Variants in FHIT observed in about 807,000 individuals in gnomAD.
The protein encoded by FHIT is bis(5'-adenosyl)-triphosphatase.
Under a neutral mutation model 17.9 loss-of-function variants are expected in FHIT, and 19 were observed. The ratio of observed to expected loss-of-function variants is 1.06; its 90% CI spans 0.74 to 1.56. The LOEUF (loss-of-function observed/expected upper bound fraction) is 1.56, where lower values mean the gene tolerates loss of function less well. FHIT is among the 40% of genes most tolerant of loss of function. The pLI, the probability that FHIT is intolerant of heterozygous loss-of-function variation, is 0.00. For missense variants in FHIT, 248 were observed against 189.2 expected (o/e 1.31, Z -1.82); for synonymous variants, 81 against 69.7 (o/e 1.16, Z -0.81).
chr3:59,828,939 G>A (rs972103143), intron 8 of FHIT, among the ~76,000 whole-genome samples: 3 of 150,114 alleles, frequency 2.0e-5, no homozygotes, highest in Admixed American at 6.7e-5. Context: ...TTTGTATTAT[G>A]TAAATTTTCC....
intron 5 of FHIT, among the ~76,000 whole-genome samples, chr3:60,055,493 C>T (rs1344971113): frequency 6.7e-6 from 1 of 149,788 alleles, no homozygotes; most frequent in African/African-American, 2.5e-5. Flanking sequence ...CTGAGGCTCT[C>T]AGCCAATTTC....
intron 5 of FHIT, among the ~76,000 whole-genome samples, chr3:60,095,110 G>A (rs1437500976): frequency 6.6e-6 from 1 of 152,164 alleles, no homozygotes; most frequent in African/African-American, 2.4e-5. Context: ...TTATGAAGCA[G>A]GAAGTAAAAA....
At chr3:60,676,652 A>G (rs1553695484) in intron 4 of FHIT, among the ~76,000 whole-genome samples, 2 of 152,284 alleles carry the variant, frequency 1.3e-5, no homozygotes, top group Non-Finnish European at 2.9e-5. Flanking sequence ...TGCAGTTAGT[A>G]TGTACATGCC....
intron 3 of FHIT, among the ~76,000 whole-genome samples, chr3:60,834,820 G>A (rs913451903): frequency 1.4e-4 from 21 of 150,786 alleles, no homozygotes; most frequent in African/African-American, 4.6e-4. Flanking sequence ...AGCCGAGATC[G>A]TGCCACTGCC....
chr3:60,874,287 C>T (rs183981364), intron 3 of FHIT, among the ~76,000 whole-genome samples: 134 of 152,270 alleles, frequency 8.8e-4, no homozygotes, highest in African/African-American at 2.9e-3. Context: ...TCGGCAATCA[C>T]GCCAACACTC....
In FHIT at chr3:60,066,744, C is replaced by T. The variant is rs1162847444; in HGVS notation, c.104-52592G>A. ...CGATCTCGGCTCACTGCAAGCTCCG[C>T]CTCGCGGGTTCACGCCATTCTCCTG... On this transcript the variant is annotated intron_variant, in intron 5 of 9. Transcript: ENST00000492590. 2.0e-5 allele frequency among the ~76,000 whole-genome samples: 3 copies of T among 146,352 alleles called. No individual in the cohort carries two copies. The Admixed American group carries it at 2.1e-4, about 10-fold the overall frequency.
chr3:61,224,454 T>C (rs2039916177), intron 1 of FHIT, among the ~76,000 whole-genome samples: 1 of 152,202 alleles, frequency 6.6e-6, no homozygotes, highest in Non-Finnish European at 1.5e-5. Context: ...CTCATTCTTA[T>C]CGCCCAGGCT....
At chr3:59,920,598 C>T (rs1308772204) in intron 8 of FHIT, among the ~76,000 whole-genome samples, 1 of 152,186 alleles carries the variant, frequency 6.6e-6, no homozygotes, top group Non-Finnish European at 1.5e-5. Context: ...TTCAAGGTGA[C>T]TGTTCAGCCT....
intron 4 of FHIT, among the ~76,000 whole-genome samples, chr3:60,620,414 G>A (rs945864254): frequency 1.3e-5 from 2 of 152,092 alleles, no homozygotes; most frequent in Admixed American, 1.3e-4. Context: ...TTCAGTAAGT[G>A]AATGAATAAA....
chr3:60,336,386 T>G (rs1158924606), intron 5 of FHIT, among the ~76,000 whole-genome samples: 1 of 152,216 alleles, frequency 6.6e-6, no homozygotes. Flanking sequence ...GTAATCAGTC[T>G]CTTGAATGCC....
chr3:60,506,028 A>T (rs377696700), intron 5 of FHIT, among the ~76,000 whole-genome samples: 16 of 152,178 alleles, frequency 1.1e-4, no homozygotes, highest in African/African-American at 3.9e-4. Flanking sequence ...CAATTTCATA[A>T]ATATGACCAA....
chr3:61,210,230 C>G (rs2039414408), intron 1 of FHIT, among the ~76,000 whole-genome samples: 2 of 152,224 alleles, frequency 1.3e-5, no homozygotes, highest in African/African-American at 4.8e-5. Context: ...CGGGGTACCT[C>G]CCAGTTAGGC....
intron 3 of FHIT, among the ~76,000 whole-genome samples, chr3:60,851,707 A>G (rs1048369542): frequency 1.3e-5 from 2 of 152,174 alleles, no homozygotes; most frequent in Non-Finnish European, 2.9e-5. Context: ...CATGTCACAT[A>G]GACCCCATTA....
intron 5 of FHIT, among the ~76,000 whole-genome samples, chr3:60,288,738 G>A (rs929658273): frequency 6.6e-6 from 1 of 151,948 alleles, no homozygotes; most frequent in East Asian, 1.9e-4. Context: ...GATTATACTA[G>A]AACATAGCCA....
At chr3:60,638,244 T>C (rs1442771722) in intron 4 of FHIT, among the ~76,000 whole-genome samples, 3 of 152,190 alleles carry the variant, frequency 2.0e-5, no homozygotes, top group African/African-American at 7.2e-5. Flanking sequence ...GGAACGTTTT[T>C]CCTCATAGAG....
At chr3:60,699,172 T>C (rs566698150) in intron 4 of FHIT, among the ~76,000 whole-genome samples, 6 of 152,320 alleles carry the variant, frequency 3.9e-5, no homozygotes, top group South Asian at 2.1e-4. Context: ...TATGAGTACA[T>C]AGATTTACAG....
chr3:60,908,083 G>A (rs568051113), intron 3 of FHIT, among the ~76,000 whole-genome samples: 1 of 152,170 alleles, frequency 6.6e-6, no homozygotes, highest in African/African-American at 2.4e-5. Context: ...CCAATCTTAT[G>A]ATTACATGCA....
At chr3:60,053,247 C>A (rs1371815550) in intron 5 of FHIT, among the ~76,000 whole-genome samples, 2 of 151,394 alleles carry the variant, frequency 1.3e-5, no homozygotes, top group Non-Finnish European at 1.5e-5. Flanking sequence ...GTAGGCTATC[C>A]CAATTATTTT....
chr3:60,898,063 T>C (rs546533402), intron 3 of FHIT, among the ~76,000 whole-genome samples: 12 of 152,312 alleles, frequency 7.9e-5, no homozygotes, highest in African/African-American at 2.9e-4. Context: ...AGGGCATATA[T>C]GTAAACACAC....
Sources: gnomAD v4.1 joint callset for allele counts (sites outside exome capture counted in the v4.1 genomes callset) on GRCh38, gnomAD v4.1.1 for gene constraint, MANE v1.5 for transcripts, NCBI Gene and HGNC (gene_info 2026-07-23, HGNC 2026-07-21) for gene names.